THSD7B: variants seen among roughly 807,000 people sequenced by gnomAD.
THSD7B encodes the protein thrombospondin type-1 domain-containing protein 7B.
THSD7B carries 138 observed loss-of-function variants against 213.6 expected under a neutral mutation model. The observed-to-expected ratio is 0.65, with a 90% CI of 0.56 to 0.74. The LOEUF (loss-of-function observed/expected upper bound fraction) is 0.74. Among genes scored for constraint, THSD7B ranks in the 30% least tolerant of loss-of-function variants. The pLI, the probability that THSD7B is intolerant of heterozygous loss-of-function variation, is 0.00. For synonymous variants in THSD7B, 742 were observed against 687.0 expected (o/e 1.08, Z -1.25); for missense variants, 1,931 against 1,991.5 (o/e 0.97, Z 0.58).
At chr2:137,108,090 A>C (rs897728388) in intron 4 of THSD7B, among the ~76,000 whole-genome samples, 1 of 152,218 alleles carries the variant, frequency 6.6e-6, no homozygotes, top group Non-Finnish European at 1.5e-5. Context: ...CTAGGGTTTC[A>C]ATTCCAAGAA....
intron 1 of THSD7B, among the ~76,000 whole-genome samples, chr2:136,772,772 AG>A: frequency 6.6e-6 from 1 of 151,930 alleles, no homozygotes; most frequent in Non-Finnish European, 1.5e-5. Flanking sequence ...TACTGAGAAG[AG>A]AAGAACTGTT....
intron 17 of THSD7B, among the ~76,000 whole-genome samples, chr2:137,607,720 C>T (rs1462865820): frequency 6.6e-6 from 1 of 152,140 alleles, no homozygotes; most frequent in Non-Finnish European, 1.5e-5. Context: ...TCTTCACTCC[C>T]AAGCTCCAAC....
chr2:137,118,408 G>C (rs903870008), intron 5 of THSD7B, among the ~76,000 whole-genome samples: 1 of 152,078 alleles, frequency 6.6e-6, no homozygotes, highest in African/African-American at 2.4e-5. Context: ...CTAGAGATTA[G>C]GATATCAACA....
rs564198920 is a variant in THSD7B, at chr2:136,942,524, A to G, written c.139+60207A>G. ...ATTTGTTTGTGTCCTCTTCTATTTC[A>G]CTGAGCAGTGGTTTGTAGTTCTCCT... On this transcript the variant is annotated intron_variant, in intron 2 of 27. Transcript: ENST00000409968. 4.6e-5 allele frequency among the ~76,000 whole-genome samples: 7 copies of G among 152,146 alleles called. No homozygotes were observed. The South Asian group carries it at 1.2e-3, about 27-fold the overall frequency.
chr2:136,772,116 GCCTAGATGTGTAT>G (rs139403212), intron 1 of THSD7B, among the ~76,000 whole-genome samples: 21,310 of 152,018 alleles, frequency 0.14, 2,219 homozygotes, highest in Non-Finnish European at 0.22. Context: ...AAACCACAGA[GCCTAGATGTGTAT>G]CCCAGATTGT....
In THSD7B at chr2:137,518,925, G is replaced by C. The variant is rs1161230816; in HGVS notation, c.3139-44296G>C. On this transcript the variant is annotated intron_variant, in intron 15 of 27. Coordinates refer to ENST00000409968, the MANE Select transcript of THSD7B (RefSeq NM_001316349.2). ...GATTATATTGGACCTCTTCCATCAT[G>C]GAAAGGGCAGAGGTTTGTCCTCACT... 2.0e-5 allele frequency among the ~76,000 whole-genome samples: 3 copies of C among 152,192 alleles called. No homozygotes were observed. The East Asian group carries it at 5.8e-4, about 29-fold the overall frequency.
At chr2:136,842,467 A>G (rs568594129) in intron 1 of THSD7B, among the ~76,000 whole-genome samples, 2 of 152,342 alleles carry the variant, frequency 1.3e-5, no homozygotes, top group South Asian at 4.1e-4. Context: ...AACAGATATT[A>G]TCTTAGCAAG....
chr2:137,539,662 T>A (rs1573694073), intron 15 of THSD7B, among the ~76,000 whole-genome samples: 1 of 151,758 alleles, frequency 6.6e-6, no homozygotes, highest in Non-Finnish European at 1.5e-5. Context: ...AAGATTGTTA[T>A]AATGATTTGT....
At chr2:137,236,261 T>C (rs1028605872) in intron 9 of THSD7B, among the ~76,000 whole-genome samples, 4 of 152,168 alleles carry the variant, frequency 2.6e-5, no homozygotes, top group Non-Finnish European at 5.9e-5. Context: ...GAACGTGTGG[T>C]TCAAAATAAT....
chr2:137,240,760 T>G (rs2033627), intron 9 of THSD7B, among the ~76,000 whole-genome samples: 1 of 152,168 alleles, frequency 6.6e-6, no homozygotes, highest in Non-Finnish European at 1.5e-5. Context: ...AGCAATACTC[T>G]TGCCTCGGCC....
intron 1 of THSD7B, among the ~76,000 whole-genome samples, chr2:136,784,812 A>G (rs1228882655): frequency 6.6e-6 from 1 of 152,196 alleles, no homozygotes; most frequent in African/African-American, 2.4e-5. Context: ...GGCTCTCTAA[A>G]CAGGTATAAA....
intron 17 of THSD7B, among the ~76,000 whole-genome samples, chr2:137,591,381 C>A (rs557652712): frequency 4.0e-5 from 6 of 151,834 alleles, no homozygotes; most frequent in African/African-American, 1.4e-4. Flanking sequence ...ATGTAGTATT[C>A]TCATTTTCAT....
intron 12 of THSD7B, among the ~76,000 whole-genome samples, chr2:137,383,843 C>T (rs914719287): frequency 2.0e-5 from 3 of 152,186 alleles, no homozygotes; most frequent in Admixed American, 2.0e-4. Context: ...CCCCTCAGAC[C>T]TCAGTTAGAA....
chr2:136,913,939 C>A (rs980018741), intron 2 of THSD7B, among the ~76,000 whole-genome samples: 2 of 152,170 alleles, frequency 1.3e-5, no homozygotes, highest in Non-Finnish European at 2.9e-5. Flanking sequence ...AAGAGGGCCA[C>A]CATCCTCCAG....
intron 12 of THSD7B, among the ~76,000 whole-genome samples, chr2:137,299,824 G>T (rs16838699): frequency 6.6e-5 from 10 of 152,042 alleles, no homozygotes; most frequent in East Asian, 1.9e-4. Flanking sequence ...AATTGATTTT[G>T]TACCAGTGAA....
intron 3 of THSD7B, among the ~76,000 whole-genome samples, chr2:137,093,955 T>C (rs1270728871): frequency 6.6e-6 from 1 of 152,174 alleles, no homozygotes. Context: ...TGTTGGTGCT[T>C]GATCACACAC....
At chr2:137,288,125 A>G (rs1471397715) in intron 12 of THSD7B, among the ~76,000 whole-genome samples, 1 of 152,076 alleles carries the variant, frequency 6.6e-6, no homozygotes, top group Non-Finnish European at 1.5e-5. Context: ...TCTAAAGAGA[A>G]CAGAAGGACT....
intron 2 of THSD7B, among the ~76,000 whole-genome samples, chr2:136,994,779 A>G (rs1392580296): frequency 6.6e-6 from 1 of 152,234 alleles, no homozygotes; most frequent in Non-Finnish European, 1.5e-5. Context: ...CAATACTAAC[A>G]TTCAAATACA....
chr2:137,222,052 A>G (rs866137705), intron 7 of THSD7B, among the ~76,000 whole-genome samples: 2 of 152,240 alleles, frequency 1.3e-5, no homozygotes, highest in East Asian at 1.9e-4. Flanking sequence ...AGTAAGAGAC[A>G]TAGTATCTTT....
Sources: allele counts gnomAD v4.1 joint callset (sites outside exome capture counted in the v4.1 genomes callset), GRCh38; gene constraint gnomAD v4.1.1; transcripts MANE v1.5; gene names NCBI Gene and HGNC (gene_info 2026-07-23, HGNC 2026-07-21).